The following EGFLAM variants were observed in gnomAD, a reference collection of about 807,000 sequenced individuals.
The protein encoded by EGFLAM is EGF like, fibronectin type III and laminin G domains.
A neutral mutation model predicts 113.1 loss-of-function variants in EGFLAM; 79 were observed. The observed-to-expected ratio is 0.70, with a 90% CI of 0.58 to 0.84. The LOEUF is 0.84. EGFLAM is among the 40% of genes least tolerant of loss of function. The pLI, the probability that EGFLAM is intolerant of heterozygous loss-of-function variation, is 0.00. For missense variants in EGFLAM, 1,265 were observed against 1,291.6 expected, an observed-to-expected ratio of 0.98 and a Z score of 0.32; for synonymous variants, 504 against 487.6, an observed-to-expected ratio of 1.03 and a Z score of -0.44.
intron 1 of EGFLAM, 125 bp downstream of exon 1, chr5:38,258,976 A>G: frequency 9.4e-7 from 1 of 1,067,162 alleles, no homozygotes; most frequent in Non-Finnish European, 1.3e-6. Flanking sequence ...AACTCGCTTC[A>G]GCTCTGCCAG....
intron 17 of EGFLAM, among the ~76,000 whole-genome samples, chr5:38,446,361 C>A (rs1374068253): frequency 1.3e-5 from 2 of 152,110 alleles, no homozygotes; most frequent in African/African-American, 4.8e-5. Flanking sequence ...TGGCTGCCTT[C>A]TCTCCCGGTT....
chr5:38,332,395 C>A (rs1739068855), intron 1 of EGFLAM, among the ~76,000 whole-genome samples: 1 of 152,020 alleles, frequency 6.6e-6, no homozygotes, highest in Admixed American at 6.6e-5. Flanking sequence ...GTATTAAGCC[C>A]AGTACCCAGA....
At chr5:38,424,137 A>G (rs1401493300) in intron 12 of EGFLAM, among the ~76,000 whole-genome samples, 2 of 152,218 alleles carry the variant, frequency 1.3e-5, no homozygotes, top group Non-Finnish European at 1.5e-5. Flanking sequence ...CCATCTGTCT[A>G]ACTGATTTCT....
chr5:38,358,371 C>T (rs2451004), intron 5 of EGFLAM, among the ~76,000 whole-genome samples: 78,401 of 145,520 alleles, frequency 0.54, 22,645 homozygotes, highest in Non-Finnish European at 0.63. Context: ...TGTGTGAACC[C>T]GGGAGGCGGA....
intron 6 of EGFLAM, among the ~76,000 whole-genome samples, chr5:38,392,631 G>GC (rs1320027687): frequency 4.9e-4 from 73 of 148,296 alleles, no homozygotes; most frequent in African/African-American, 1.9e-3. Flanking sequence ...TTTTTTTTTG[G>GC]GGGGGCGGTT....
chr5:38,327,436 T>G (rs1738919917), intron 1 of EGFLAM, among the ~76,000 whole-genome samples: 1 of 152,178 alleles, frequency 6.6e-6, no homozygotes, highest in Non-Finnish European at 1.5e-5. Flanking sequence ...GGAGAAAAAT[T>G]GTCCTTCATC....
intron 17 of EGFLAM, among the ~76,000 whole-genome samples, chr5:38,441,880 T>C (rs775819764): frequency 1.6e-4 from 25 of 152,236 alleles, no homozygotes; most frequent in Non-Finnish European, 1.3e-4. Flanking sequence ...ATTCAGACTG[T>C]GCAGGATTCC....
chr5:38,316,790 T>C (rs1738606690), intron 1 of EGFLAM, among the ~76,000 whole-genome samples: 2 of 152,152 alleles, frequency 1.3e-5, no homozygotes, highest in South Asian at 4.1e-4. Flanking sequence ...AGAATAACCT[T>C]GCCAGGCCAG....
intron 6 of EGFLAM, among the ~76,000 whole-genome samples, chr5:38,371,648 A>T (rs904217648): frequency 6.6e-5 from 10 of 152,148 alleles, no homozygotes; most frequent in African/African-American, 1.9e-4. Flanking sequence ...GCACACACAT[A>T]TGCACATGCT....
intron 1 of EGFLAM, among the ~76,000 whole-genome samples, chr5:38,320,986 G>GT (rs1290482067): frequency 6.6e-6 from 1 of 152,094 alleles, no homozygotes; most frequent in South Asian, 2.1e-4. Context: ...CTGGAAGACA[G>GT]TTTTTTTCCA....
At position 38,264,387 on chromosome 5, in the gene EGFLAM, C is replaced by T. The variant is rs1165752784; in HGVS notation, c.97+5536C>T. 2.0e-5 allele frequency among the ~76,000 whole-genome samples: 3 copies of T among 152,070 alleles called. No individual in the cohort carries two copies. The East Asian group carries it at 5.8e-4, about 29-fold the overall frequency. ...GTATTTCTCTAGTGGTATAATCAAA[C>T]TAAAATAAAGATGTAAGGAAAGTCA... On this transcript the variant is annotated intron_variant, in intron 1 of 21. Transcript: ENST00000322350.
intron 1 of EGFLAM, among the ~76,000 whole-genome samples, chr5:38,279,138 C>T (rs539082611): frequency 2.6e-5 from 4 of 152,238 alleles, no homozygotes; most frequent in Non-Finnish European, 5.9e-5. Flanking sequence ...CACTAATCAT[C>T]AGAGAAACGC....
At chr5:38,369,127 T>A (rs1304166211) in intron 5 of EGFLAM, among the ~76,000 whole-genome samples, 3 of 152,196 alleles carry the variant, frequency 2.0e-5, no homozygotes, top group Admixed American at 2.0e-4. Context: ...CATAGAGCAG[T>A]GCTATCCAGT....
At position 38,458,399 on chromosome 5, in the gene EGFLAM, G is replaced by A. The variant is rs556769589; in HGVS notation, c.2771+5G>A. On this transcript the variant is annotated splice_donor_5th_base_variant and intron_variant, in intron 20 of 21. Coordinates refer to ENST00000322350, the MANE Select transcript of EGFLAM (RefSeq NM_152403.4). ...GCACCGAGTTAAGGCCGTTAGGTGAGTCCCTCCCGCAGCATGAGGCAGAGC... is the reference window on the plus strand; with the variant it reads ...GCACCGAGTTAAGGCCGTTAGGTGAATCCCTCCCGCAGCATGAGGCAGAGC... The A allele has an allele frequency of 1.2e-6, 2 of 1,613,692 alleles. No homozygotes were observed. Among genetic ancestry groups the A allele is most frequent in the Non-Finnish European group, 1.7e-6 (2 of 1,179,798 alleles).
chr5:38,294,131 A>C (rs977746153), intron 1 of EGFLAM, among the ~76,000 whole-genome samples: 1 of 152,190 alleles, frequency 6.6e-6, no homozygotes, highest in Non-Finnish European at 1.5e-5. Context: ...GTGGTGTTTC[A>C]AGCTGCAGGT....
intron 1 of EGFLAM, among the ~76,000 whole-genome samples, chr5:38,308,888 G>A (rs777799305): frequency 6.6e-6 from 1 of 152,202 alleles, no homozygotes; most frequent in South Asian, 2.1e-4. Flanking sequence ...GCACTGCATT[G>A]CCCAACTGTA....
At chr5:38,278,314 T>C (rs10941389) in intron 1 of EGFLAM, among the ~76,000 whole-genome samples, 62,826 of 151,890 alleles carry the variant, frequency 0.41, 13,531 homozygotes, top group Middle Eastern at 0.57. Context: ...TCAGTAAATA[T>C]GCCAGGAAAA....
intron 1 of EGFLAM, among the ~76,000 whole-genome samples, chr5:38,323,978 G>A (rs1360714562): frequency 6.7e-6 from 1 of 148,356 alleles, no homozygotes; most frequent in Non-Finnish European, 1.5e-5. Flanking sequence ...GGAGGCGGAG[G>A]TTGCAGTGAA....
intron 8 of EGFLAM, among the ~76,000 whole-genome samples, 193 bp downstream of exon 8, chr5:38,407,339 A>G (rs1484631850): frequency 6.6e-6 from 1 of 152,258 alleles, no homozygotes; most frequent in Non-Finnish European, 1.5e-5. Context: ...AGTAGACAGC[A>G]GCCCTATTTC....
Sources: gnomAD v4.1 joint callset for allele counts (sites outside exome capture counted in the v4.1 genomes callset) on GRCh38, gnomAD v4.1.1 for gene constraint, MANE v1.5 for transcripts, NCBI Gene and HGNC (gene_info 2026-07-23, HGNC 2026-07-21) for gene names.